Variants in PRKCE observed in about 807,000 individuals in gnomAD.
The protein encoded by PRKCE is protein kinase C epsilon, also known as protein kinase C epsilon type.
A neutral mutation model predicts 85.4 loss-of-function variants in PRKCE; 16 were observed. The ratio of observed to expected loss-of-function variants is 0.19; its 90% CI spans 0.13 to 0.28. The LOEUF (loss-of-function observed/expected upper bound fraction) is 0.28, where lower values mean the gene tolerates loss of function less well. Ranked by LOEUF, PRKCE falls within the 10% of genes least tolerant of loss-of-function variation. The probability of loss-of-function intolerance (pLI) is 1.00; values close to 1 mark genes in which losing one functional copy is unlikely to be tolerated. For synonymous variants in PRKCE, 388 were observed against 371.5 expected, an observed-to-expected ratio of 1.04 and a Z score of -0.51; for missense variants, 573 against 975.2, an observed-to-expected ratio of 0.59 and a Z score of 5.49.
At chr2:46,011,372 C>T (rs1323454369) in intron 10 of PRKCE, among the ~76,000 whole-genome samples, 2 of 152,136 alleles carry the variant, frequency 1.3e-5, no homozygotes, top group African/African-American at 4.8e-5. Context: ...TTTTGAATGC[C>T]AGTTTTTCCA....
At chr2:45,671,156 C>T (rs1476824847) in intron 1 of PRKCE, among the ~76,000 whole-genome samples, 1 of 152,198 alleles carries the variant, frequency 6.6e-6, no homozygotes, top group East Asian at 1.9e-4. Context: ...GGAGACTGCA[C>T]AATGGGGATA....
At position 45,652,046 on chromosome 2, in the gene PRKCE, A is replaced by C. The variant is rs986017109; in HGVS notation, c.-55A>C. 4 of 1,409,580 alleles carry C rather than the reference A, an allele frequency of 2.8e-6. No homozygotes were observed. Among genetic ancestry groups the C allele is most frequent in the Admixed American group, 2.3e-5 (1 of 44,110 alleles). 87.3% of individuals were successfully genotyped at this position (1,409,580 alleles called of 1,614,324 possible). A position where few individuals can be genotyped will look rare whatever the true frequency, so the allele number is the denominator to read the frequency against. On this transcript the variant is annotated 5_prime_UTR_variant, in exon 1 of 15. Transcript: ENST00000306156. The surrounding 1 kb of genome is among the most constrained non-coding windows in gnomAD (Gnocchi z 7.7). The stretch of plus-strand genomic sequence containing the variant: ...CGGAGTGCCGGGCCGTCGGTTCTTC[A>C]TTCCTGCCCTCGGGGCAGACGGAGT...
intron 2 of PRKCE, among the ~76,000 whole-genome samples, chr2:45,955,513 A>G (rs1700911713): frequency 6.6e-6 from 1 of 152,184 alleles, no homozygotes; most frequent in African/African-American, 2.4e-5. Flanking sequence ...ATTCCTAGTT[A>G]TAGGCTATTT....
chr2:46,034,855 A>G (rs1427016813), intron 10 of PRKCE, among the ~76,000 whole-genome samples: 1 of 152,208 alleles, frequency 6.6e-6, no homozygotes, highest in Non-Finnish European at 1.5e-5. Context: ...TTCATTACTG[A>G]TGGTATGTTC....
intron 1 of PRKCE, among the ~76,000 whole-genome samples, chr2:45,696,897 T>C (rs540927920): frequency 1.3e-5 from 2 of 152,224 alleles, no homozygotes; most frequent in Non-Finnish European, 2.9e-5. Context: ...GTGTTGATCA[T>C]GTGACTGGTC....
intron 1 of PRKCE, among the ~76,000 whole-genome samples, chr2:45,751,046 C>A (rs1683517457): frequency 6.6e-6 from 1 of 152,182 alleles, no homozygotes; most frequent in Non-Finnish European, 1.5e-5. Context: ...CCCAGGAACC[C>A]ATTGCCTGCT....
intron 1 of PRKCE, among the ~76,000 whole-genome samples, chr2:45,842,539 G>C (rs1290711562): frequency 6.6e-6 from 1 of 152,156 alleles, no homozygotes; most frequent in Non-Finnish European, 1.5e-5. Flanking sequence ...CACTTACCTT[G>C]GAATTTGGGC....
intron 2 of PRKCE, among the ~76,000 whole-genome samples, chr2:45,941,065 TAAAAAAAA>T (rs397781944): frequency 3.0e-5 from 2 of 67,162 alleles, no homozygotes; most frequent in South Asian, 7.4e-4. Flanking sequence ...GACTTCATCC[TAAAAAAAA>T]AAAAAAAAAA....
chr2:45,732,915 G>A (rs948717869), intron 1 of PRKCE, among the ~76,000 whole-genome samples: 16 of 152,174 alleles, frequency 1.1e-4, no homozygotes, highest in African/African-American at 3.9e-4. Context: ...ATTAATGGAT[G>A]TCCTAGATCA....
In PRKCE at chr2:46,155,952, A is replaced by C. The variant is rs776924432; in HGVS notation, c.1921-3654A>C. Among the ~76,000 whole-genome samples the C allele has an allele frequency of 9.0e-4, 137 of 151,918 alleles. 1 individual carries two copies. Among genetic ancestry groups the C allele is most frequent in the Non-Finnish European group, 2.4e-4 (16 of 67,968 alleles). On this transcript the variant is annotated intron_variant, in intron 13 of 14. Coordinates refer to ENST00000306156, the MANE Select transcript of PRKCE (RefSeq NM_005400.3). The surrounding 1 kb of genome is among the most constrained non-coding windows in gnomAD (Gnocchi z 4.7). ...GCGCACCAGCATGGCACATGTATACATATGTAACTAACCTGCACAATGTGC... is the reference window on the plus strand; with the variant it reads ...GCGCACCAGCATGGCACATGTATACCTATGTAACTAACCTGCACAATGTGC...
At chr2:45,932,303 G>T (rs1179427451) in intron 2 of PRKCE, among the ~76,000 whole-genome samples, 1 of 151,406 alleles carries the variant, frequency 6.6e-6, no homozygotes, top group Non-Finnish European at 1.5e-5. Flanking sequence ...GAATATATCC[G>T]TTCTATAACT....
intron 10 of PRKCE, among the ~76,000 whole-genome samples, chr2:46,058,747 G>A (rs1027831239): frequency 6.6e-5 from 10 of 152,332 alleles, no homozygotes; most frequent in South Asian, 6.2e-4. Flanking sequence ...CCAGGCTGGA[G>A]CACAGTGGCA....
chr2:45,871,822 C>G (rs142191703), intron 2 of PRKCE, among the ~76,000 whole-genome samples: 3 of 152,186 alleles, frequency 2.0e-5, no homozygotes, highest in Non-Finnish European at 2.9e-5. Context: ...TTCTTTCCCC[C>G]CTGCCAGAAC....
intron 2 of PRKCE, among the ~76,000 whole-genome samples, chr2:45,850,870 A>T (rs111838472): frequency 6.6e-6 from 1 of 152,310 alleles, no homozygotes; most frequent in East Asian, 1.9e-4. Flanking sequence ...AGTTGGAAGC[A>T]TCATTTATTT....
intron 11 of PRKCE, among the ~76,000 whole-genome samples, chr2:46,093,052 G>A (rs1670333555): frequency 6.6e-6 from 1 of 152,138 alleles, no homozygotes; most frequent in Non-Finnish European, 1.5e-5. Context: ...GTCACTGAGG[G>A]TACTTGGGGA....
Position 46,068,783 on chromosome 2 carries a change from GA to G in PRKCE, c.1438-17424del, listed in dbSNP as rs1181959947. On this transcript the variant is annotated intron_variant, in intron 10 of 14. Transcript: ENST00000306156. This position sits in a 1 kb window ranked among gnomAD's most constrained non-coding sequence, Gnocchi z 4.3. ...GCCCAAATGCCTCAGAAGTAACCAA[GA>G]GCAAGAAGTGGTTGTGATATTAAAA... Among the ~76,000 whole-genome samples, 2 of 152,222 alleles carry G rather than the reference GA, an allele frequency of 1.3e-5. No homozygotes were observed. Among genetic ancestry groups the G allele is most frequent in the Admixed American group, 1.3e-4 (2 of 15,286 alleles).
chr2:46,070,898 T>C (rs898775043), intron 10 of PRKCE, among the ~76,000 whole-genome samples: 3 of 152,206 alleles, frequency 2.0e-5, no homozygotes, highest in African/African-American at 7.2e-5. Context: ...TAGCTTATAT[T>C]TGACATATAG....
chr2:46,093,343 G>C (rs1019241552), intron 11 of PRKCE, among the ~76,000 whole-genome samples: 1 of 151,894 alleles, frequency 6.6e-6, no homozygotes, highest in South Asian at 2.1e-4. Flanking sequence ...TGTTACTTCA[G>C]TCAAAGATAT....
At chr2:45,913,707 C>T (rs1697546532) in intron 2 of PRKCE, among the ~76,000 whole-genome samples, 1 of 152,186 alleles carries the variant, frequency 6.6e-6, no homozygotes, top group African/African-American at 2.4e-5. Flanking sequence ...CTCACTTGAA[C>T]AAATAATAAA....
Sources: gnomAD v4.1 joint callset for allele counts (sites outside exome capture counted in the v4.1 genomes callset) on GRCh38, gnomAD v4.1.1 for gene constraint, Gnocchi (gnomAD v3.1) non-coding constraint, MANE v1.5 for transcripts, NCBI Gene and HGNC (gene_info 2026-07-23, HGNC 2026-07-21) for gene names.